The following TENM4 variants were observed in gnomAD, a reference collection of about 807,000 sequenced individuals.
TENM4 encodes the protein teneurin-4.
In TENM4, 82 loss-of-function variants were observed where a neutral mutation model predicts 243.3. The observed-to-expected ratio is 0.34, with a 90% CI of 0.28 to 0.40. The LOEUF is 0.40. Ranked by LOEUF, TENM4 falls within the 10% of genes least tolerant of loss-of-function variation. The pLI is 1.00. For synonymous variants in TENM4, 1,412 were observed against 1,456.3 expected (o/e 0.97, Z 0.69); for missense variants, 3,138 against 3,673.3 (o/e 0.85, Z 3.77).
chr11:79,141,406 TC>T (rs144625486), intron 4 of TENM4, among the ~76,000 whole-genome samples: 27,434 of 151,842 alleles, frequency 0.18, 2,688 homozygotes, highest in East Asian at 0.34. Flanking sequence ...GTGGATAAAT[TC>T]CTAGACATAC....
At chr11:79,039,700 A>AGAT (rs1468113187) in intron 6 of TENM4, among the ~76,000 whole-genome samples, 1 of 152,200 alleles carries the variant, frequency 6.6e-6, no homozygotes, top group Non-Finnish European at 1.5e-5. Flanking sequence ...CTTAAAACCT[A>AGAT]GATGATGGGT....
At chr11:78,697,657 G>A (rs1417202338) in intron 28 of TENM4, among the ~76,000 whole-genome samples, 2 of 152,092 alleles carry the variant, frequency 1.3e-5, no homozygotes, top group East Asian at 1.9e-4. Context: ...TCTGTCAGCC[G>A]ACTAGTTGGC....
At chr11:79,009,108 T>G (rs1433703130) in intron 6 of TENM4, among the ~76,000 whole-genome samples, 1 of 152,236 alleles carries the variant, frequency 6.6e-6, no homozygotes, top group Non-Finnish European at 1.5e-5. Flanking sequence ...CAAAGGGCTG[T>G]CTGCCATATT....
At chr11:78,712,409 T>A in intron 26 of TENM4, 73 bp downstream of exon 26, 1 of 1,478,222 alleles carries the variant, frequency 6.8e-7, no homozygotes, top group East Asian at 2.3e-5. Flanking sequence ...GCAATATTAA[T>A]CATGCATGTT....
At position 78,796,267 on chromosome 11, in the gene TENM4, T is replaced by C. The variant is rs117339865; in HGVS notation, c.2179+9025A>G. On this transcript the variant is annotated intron_variant, in intron 15 of 33. Transcript: ENST00000278550. ...CTGATTAGAGGAGTTCAAACCCAGC[T>C]TGGAGGAGGCCTCCAAATAGGAGCT... 3.7e-4 allele frequency among the ~76,000 whole-genome samples: 56 copies of C among 152,250 alleles called. No individual in the cohort carries two copies. In the East Asian group the frequency reaches 0.01, roughly 28 times the overall value.
intron 3 of TENM4, among the ~76,000 whole-genome samples, chr11:79,163,810 CAT>C (rs1199270167): frequency 7.8e-6 from 1 of 127,912 alleles, no homozygotes; most frequent in African/African-American, 3.0e-5. Flanking sequence ...TATATATACA[CAT>C]ATATATACAT....
intron 6 of TENM4, among the ~76,000 whole-genome samples, chr11:78,989,963 C>G (rs531831280): frequency 1.3e-5 from 2 of 151,764 alleles, no homozygotes; most frequent in African/African-American, 4.8e-5. Flanking sequence ...ACTCAGGAGG[C>G]TAAGGTGGGA....
chr11:79,222,168 G>A (rs796600488), intron 2 of TENM4, among the ~76,000 whole-genome samples: 16 of 152,348 alleles, frequency 1.1e-4, no homozygotes, highest in South Asian at 2.1e-4. Context: ...ATCTGTCAGC[G>A]AGAGGGTCAA....
chr11:78,669,404 T>G lies in TENM4; in HGVS notation c.6941A>C (p.Tyr2314Ser). The G allele has an allele frequency of 6.2e-7, 1 of 1,613,436 alleles. No homozygotes were observed. The highest frequency in any genetic ancestry group is 8.5e-7 in the Non-Finnish European group (1 of 1,179,570). ...CTTGGTGGGGTTGGTCAGGTCTGCA[T>G]AGAAGAACTGCAGGTGGTGGCTGTG... is the stretch of plus-strand genomic sequence containing the variant. ...SSHSHHLQFF[Y>S]ADLTNPTKVT... Residue 2314 changes from tyrosine (Y) to serine (S), a missense_variant, in exon 32 of 34, where the codon TAT becomes TCT. By Grantham distance (144) the Tyr-to-Ser change is moderately radical (BLOSUM62 -2). This residue lies in a region of TENM4 where 2,467 missense variants were observed against 3,059.1 expected (regional missense o/e 0.81). Transcript: ENST00000278550. This position sits in a 1 kb window ranked among gnomAD's most constrained non-coding sequence, Gnocchi z 6.4.
chr11:78,951,592 C>T (rs372200000), intron 6 of TENM4, among the ~76,000 whole-genome samples: 5 of 152,156 alleles, frequency 3.3e-5, no homozygotes, highest in African/African-American at 4.8e-5. Flanking sequence ...TGATGGGATT[C>T]GGTTTCTGGT....
intron 4 of TENM4, among the ~76,000 whole-genome samples, chr11:79,077,306 G>A (rs1860556850): frequency 6.6e-6 from 1 of 152,164 alleles, no homozygotes; most frequent in Non-Finnish European, 1.5e-5. Context: ...CCACACCCAG[G>A]CCAAGGTGGG....
rs76368382 is a variant in TENM4, at chr11:78,723,066, C to G, written c.3551-149G>C. ...ATAGCCCAAGGCTTTGCCTCACCCCCCCAATGGAACCCAGATTGTCCTAAA... is the reference window on the plus strand; with the variant it reads ...ATAGCCCAAGGCTTTGCCTCACCCCGCCAATGGAACCCAGATTGTCCTAAA... On this transcript the variant is annotated intron_variant, in intron 23 of 33. Transcript: ENST00000278550. The G allele has an allele frequency of 7.5e-4, 758 of 1,014,718 alleles. 10 individuals carry two copies. In the South Asian group the frequency reaches 0.012, roughly 16 times the overall value. The allele number at this position is 1,014,718 out of a possible 1,614,324, so 62.9% of individuals were successfully genotyped here.
chr11:79,015,830 C>T (rs1858760952), intron 6 of TENM4, among the ~76,000 whole-genome samples: 1 of 152,150 alleles, frequency 6.6e-6, no homozygotes, highest in Non-Finnish European at 1.5e-5. Flanking sequence ...AGTGCTCTGT[C>T]AGGTATAAAT....
At chr11:79,359,944 G>T (rs1017794128) in intron 1 of TENM4, among the ~76,000 whole-genome samples, 8 of 152,098 alleles carry the variant, frequency 5.3e-5, no homozygotes, top group African/African-American at 1.9e-4. Flanking sequence ...ACCATGTGGG[G>T]AAAGCAGGAC....
At chr11:78,889,499 T>G (rs532706401) in intron 9 of TENM4, among the ~76,000 whole-genome samples, 1 of 152,362 alleles carries the variant, frequency 6.6e-6, no homozygotes, top group South Asian at 2.1e-4. Context: ...CTAGTCTTAC[T>G]GAGCACTCAC....
intron 27 of TENM4, among the ~76,000 whole-genome samples, chr11:78,703,019 T>C (rs1431544196): frequency 1.3e-5 from 2 of 152,260 alleles, no homozygotes; most frequent in Non-Finnish European, 2.9e-5. Flanking sequence ...AACCATGGCC[T>C]CTGTCTGTCA....
At chr11:79,111,646 A>G (rs1486468610) in intron 4 of TENM4, among the ~76,000 whole-genome samples, 1 of 152,214 alleles carries the variant, frequency 6.6e-6, no homozygotes, top group African/African-American at 2.4e-5. Flanking sequence ...AAGTGTGAAA[A>G]CAAACTGATA....
At chr11:78,897,485 A>T (rs529222051) in intron 7 of TENM4, among the ~76,000 whole-genome samples, 1 of 152,294 alleles carries the variant, frequency 6.6e-6, no homozygotes, top group Non-Finnish European at 1.5e-5. Flanking sequence ...AATGAAGTTA[A>T]CATGTGCCAA....
intron 6 of TENM4, among the ~76,000 whole-genome samples, chr11:79,062,803 C>G (rs1363883956): frequency 6.6e-6 from 1 of 152,212 alleles, no homozygotes; most frequent in Admixed American, 6.5e-5. Flanking sequence ...AGACCCTATT[C>G]TCTTTGTGCC....
Sources: gnomAD v4.1 joint callset for allele counts (sites outside exome capture counted in the v4.1 genomes callset) on GRCh38, gnomAD v4.1.1 for gene constraint, gnomAD v4.1.1 regional missense constraint, Gnocchi (gnomAD v3.1) non-coding constraint, MANE v1.5 for transcripts, NCBI Gene and HGNC (gene_info 2026-07-23, HGNC 2026-07-21) for gene names.